PTPRN2: variants seen among roughly 807,000 people sequenced by gnomAD.
The protein encoded by PTPRN2 is protein tyrosine phosphatase receptor type N2.
A neutral mutation model predicts 118.8 loss-of-function variants in PTPRN2; 74 were observed. That is an observed-to-expected ratio of 0.62 (90% CI 0.52 to 0.76). PTPRN2 has a LOEUF of 0.76. Ranked by LOEUF, PTPRN2 falls within the 30% of genes least tolerant of loss-of-function variation. The pLI is 0.00. For synonymous variants in PTPRN2, 641 were observed against 608.0 expected (o/e 1.05, Z -0.80); for missense variants, 1,481 against 1,394.4 (o/e 1.06, Z -0.99).
chr7:157,843,466 C>G (rs1808579553), intron 12 of PTPRN2, among the ~76,000 whole-genome samples: 1 of 152,204 alleles, frequency 6.6e-6, no homozygotes, highest in African/African-American at 2.4e-5. Flanking sequence ...TCTCTGCCTT[C>G]CTCCACCTGG....
intron 10 of PTPRN2, among the ~76,000 whole-genome samples, chr7:158,102,629 T>C (rs1228893953): frequency 6.6e-6 from 1 of 152,072 alleles, no homozygotes; most frequent in Non-Finnish European, 1.5e-5. Context: ...ATGTATTTGA[T>C]ATATGGAGAG....
chr7:158,105,981 C>T (rs979343464), intron 10 of PTPRN2, among the ~76,000 whole-genome samples: 1 of 152,062 alleles, frequency 6.6e-6, no homozygotes, highest in African/African-American at 2.4e-5. Context: ...CAGTTCCATC[C>T]CCTCCTTCAT....
intron 2 of PTPRN2, among the ~76,000 whole-genome samples, chr7:158,342,684 C>T (rs1395336039): frequency 6.6e-6 from 1 of 152,200 alleles, no homozygotes; most frequent in Admixed American, 6.5e-5. Context: ...CATAAACTGT[C>T]ATGGTCCCCA....
intron 21 of PTPRN2, among the ~76,000 whole-genome samples, chr7:157,557,588 A>C (rs890017975): frequency 1.4e-5 from 2 of 147,688 alleles, no homozygotes; most frequent in African/African-American, 5.0e-5. Flanking sequence ...CTGGGCCTTC[A>C]GTGCTGAGTT....
At chr7:157,798,800 C>T (rs974405784) in intron 12 of PTPRN2, among the ~76,000 whole-genome samples, 2 of 142,186 alleles carry the variant, frequency 1.4e-5, no homozygotes, top group African/African-American at 2.5e-5. Context: ...TATTTAAACT[C>T]AATCAGCAGA....
chr7:158,263,674 C>A (rs577242267), intron 3 of PTPRN2, among the ~76,000 whole-genome samples: 8 of 152,358 alleles, frequency 5.3e-5, no homozygotes, highest in African/African-American at 1.9e-4. Context: ...CTGTGGCCTG[C>A]TGGCTAAGGG....
At chr7:158,388,014 A>C (rs959719397) in intron 2 of PTPRN2, among the ~76,000 whole-genome samples, 1 of 152,122 alleles carries the variant, frequency 6.6e-6, no homozygotes, top group Non-Finnish European at 1.5e-5. Context: ...TTATACACAC[A>C]TACAAACCCC....
At chr7:157,993,421 A>G (rs984151167) in intron 11 of PTPRN2, among the ~76,000 whole-genome samples, 5 of 151,930 alleles carry the variant, frequency 3.3e-5, no homozygotes, top group East Asian at 1.9e-4. Context: ...GACATACCCC[A>G]TGTGCTTTTT....
Position 157,669,573 on chromosome 7 carries a change from G to A in PTPRN2, c.2002-13022C>T, listed in dbSNP as rs555739299. Reference sequence around the variant, plus strand: ...CAGCTCCTGCAGGAAGGGGTTCCACGCACGGGCAAACAAGCCGAGTCAGCC... The same window carrying A: ...CAGCTCCTGCAGGAAGGGGTTCCACACACGGGCAAACAAGCCGAGTCAGCC... On this transcript the variant is annotated intron_variant, in intron 13 of 22. Transcript: ENST00000389418. The A allele has an allele frequency of 6.2e-5, 30 of 485,990 alleles. No individual in the cohort carries two copies. In the East Asian group the frequency reaches 9.3e-4, roughly 15 times the overall value. The allele number at this position is 485,990 out of a possible 1,614,324, so 30.1% of individuals were successfully genotyped here.
intron 5 of PTPRN2, among the ~76,000 whole-genome samples, chr7:158,176,819 C>T (rs1249320163): frequency 6.6e-6 from 1 of 152,226 alleles, no homozygotes; most frequent in African/African-American, 2.4e-5. Context: ...TTTTAAAAAA[C>T]TCAAATGGAC....
chr7:157,983,669 T>C (rs966099002), intron 11 of PTPRN2, among the ~76,000 whole-genome samples: 4 of 152,174 alleles, frequency 2.6e-5, no homozygotes, highest in African/African-American at 9.7e-5. Flanking sequence ...GAGTAGCGTG[T>C]GTGTGTGCAC....
chr7:157,586,513 C>T (rs934432245), intron 17 of PTPRN2, among the ~76,000 whole-genome samples: 16 of 152,242 alleles, frequency 1.1e-4, no homozygotes, highest in African/African-American at 2.7e-4. Flanking sequence ...GAGCAGACAC[C>T]GTGGTCCCAG....
chr7:158,382,449 A>G (rs1011063282), intron 2 of PTPRN2, among the ~76,000 whole-genome samples: 2 of 152,326 alleles, frequency 1.3e-5, no homozygotes, highest in South Asian at 2.1e-4. Context: ...GAAAGTCGCC[A>G]TGAAGGAAAG....
intron 2 of PTPRN2, among the ~76,000 whole-genome samples, chr7:158,453,003 C>T (rs191431878): frequency 1.3e-5 from 2 of 152,366 alleles, no homozygotes; most frequent in Admixed American, 1.3e-4. Context: ...AGCTGCAGGG[C>T]TGGGCATGAT....
chr7:157,747,580 T>C (rs374323724), intron 12 of PTPRN2, among the ~76,000 whole-genome samples: 39 of 52,016 alleles, frequency 7.5e-4, no homozygotes, highest in African/African-American at 1.2e-3. Flanking sequence ...GGCCTGCGTC[T>C]CTGAGCTGTG....
intron 16 of PTPRN2, among the ~76,000 whole-genome samples, chr7:157,600,802 T>A (rs1180195070): frequency 6.6e-6 from 1 of 152,238 alleles, no homozygotes; most frequent in Non-Finnish European, 1.5e-5. Flanking sequence ...ACCATTATTA[T>A]ACACAGAATT....
Position 157,990,079 on chromosome 7 carries a change from T to C in PTPRN2, c.1723+91219A>G, listed in dbSNP as rs142910645. ...ACAAAACCTGCCCTCCATCCCTCTA[T>C]GAAGAAAAATGCAAGTTGCTCTTCT... On this transcript the variant is annotated intron_variant, in intron 11 of 22. Transcript: ENST00000389418. The surrounding 1 kb of genome is among the most constrained non-coding windows in gnomAD (Gnocchi z 4.3). Among the ~76,000 whole-genome samples the C allele has an allele frequency of 6.6e-6, 1 of 152,024 alleles. No individual in the cohort carries two copies. Among genetic ancestry groups the C allele is most frequent in the Admixed American group, 6.5e-5 (1 of 15,274 alleles).
At position 158,279,587 on chromosome 7, in the gene PTPRN2, C is replaced by A. The variant is rs548972063; in HGVS notation, c.277+37232G>T. 3.3e-5 allele frequency among the ~76,000 whole-genome samples: 5 copies of A among 152,362 alleles called. 1 individual carries two copies. In the South Asian group the frequency reaches 1.0e-3, roughly 32 times the overall value. ...ATGGCAGTCCTCTCACGGGATCCAG[C>A]CTCCAATCAAGCCCAGCAGGTGCCG... On this transcript the variant is annotated intron_variant, in intron 3 of 22. Transcript: ENST00000389418.
At position 157,877,559 on chromosome 7, in the gene PTPRN2, C is replaced by G. The variant is rs564510223; in HGVS notation, c.1788+21114G>C. On this transcript the variant is annotated intron_variant, in intron 12 of 22. Transcript: ENST00000389418. ...GGATCCCAGGTCCGAGTGCCCTACC[C>G]AGGGTTTCCTCGGGGTCCTCTCTCC... Among the ~76,000 whole-genome samples, 5 of 152,272 alleles carry G rather than the reference C, an allele frequency of 3.3e-5. No homozygotes were observed. The East Asian group carries it at 9.7e-4, about 29-fold the overall frequency.
Sources: gnomAD v4.1 joint callset for allele counts (sites outside exome capture counted in the v4.1 genomes callset) on GRCh38, gnomAD v4.1.1 for gene constraint, Gnocchi (gnomAD v3.1) non-coding constraint, MANE v1.5 for transcripts, NCBI Gene and HGNC (gene_info 2026-07-23, HGNC 2026-07-21) for gene names.